The following PAX7 variants were observed in gnomAD, a reference collection of about 807,000 sequenced individuals.
PAX7 encodes the protein paired box protein Pax-7.
PAX7 carries 18 observed loss-of-function variants against 50.7 expected under a neutral mutation model. That is an observed-to-expected ratio of 0.36 (90% CI 0.25 to 0.53). The LOEUF is 0.53. Ranked by LOEUF, PAX7 falls within the 20% of genes least tolerant of loss-of-function variation. The pLI is 0.93. For missense variants in PAX7, 644 were observed against 702.9 expected (o/e 0.92, Z 0.95); for synonymous variants, 310 against 290.4 (o/e 1.07, Z -0.69).
chr1:18,653,178 GTTTTTTTCATTTT>G (rs965425887), intron 4 of PAX7, among the ~76,000 whole-genome samples: 24 of 138,732 alleles, frequency 1.7e-4, no homozygotes, highest in African/African-American at 5.0e-4. Context: ...GATTTGCTGG[GTTTTTTTCATTTT>G]TTTTTTTCAT....
chr1:18,715,141 C>G (rs547415130), intron 7 of PAX7, among the ~76,000 whole-genome samples: 6 of 152,238 alleles, frequency 3.9e-5, no homozygotes, highest in African/African-American at 1.4e-4. Context: ...AGCCTTTGTA[C>G]CTGCTGCTCC....
Position 18,746,596 on chromosome 1 carries a change from G to T in PAX7, c.*1667G>T. ...ACACAGCACTGAATTCACAAACATT[G>T]GACCAAACTGTTTGTCCCCATCTGG... On this transcript the variant is annotated 3_prime_UTR_variant, in exon 9 of 9. Coordinates refer to ENST00000420770, the MANE Select transcript of PAX7 (RefSeq NM_001135254.2). 1 of 231,292 alleles carries T rather than the reference G, an allele frequency of 4.3e-6. No homozygotes were observed. Among genetic ancestry groups the T allele is most frequent in the Non-Finnish European group, 8.6e-6 (1 of 116,860 alleles). The allele number at this position is 231,292 out of a possible 1,614,324, so 14.3% of individuals were successfully genotyped here.
intron 4 of PAX7, among the ~76,000 whole-genome samples, chr1:18,644,266 G>T (rs2088305103): frequency 6.6e-6 from 1 of 152,168 alleles, no homozygotes; most frequent in African/African-American, 2.4e-5. Flanking sequence ...TGCCAGGCTG[G>T]AGCAATCTGA....
intron 4 of PAX7, among the ~76,000 whole-genome samples, chr1:18,651,341 T>G (rs1044180721): frequency 2.0e-5 from 3 of 152,228 alleles, no homozygotes; most frequent in African/African-American, 7.2e-5. Flanking sequence ...GCATATATTT[T>G]TATAGGTTTT....
intron 7 of PAX7, among the ~76,000 whole-genome samples, chr1:18,733,834 G>A (rs1460768854): frequency 6.6e-6 from 1 of 152,174 alleles, no homozygotes; most frequent in Non-Finnish European, 1.5e-5. Flanking sequence ...GTGAGCCAGG[G>A]TCAGGCGAAC....
chr1:18,744,587 T>C (rs922057863), intron 8 of PAX7, among the ~76,000 whole-genome samples: 2 of 149,544 alleles, frequency 1.3e-5, no homozygotes, highest in African/African-American at 5.0e-5. Context: ...TATGGCTGGA[T>C]GGATGAGAAG....
chr1:18,687,709 A>C (rs2088997861), intron 4 of PAX7, among the ~76,000 whole-genome samples: 1 of 151,018 alleles, frequency 6.6e-6, no homozygotes, highest in Admixed American at 6.6e-5. Context: ...GCAGTGAGAC[A>C]GAGCTCTGCC....
rs1931516721 is a variant in PAX7 at position 18,747,977 on chromosome 1, C to T, written c.*3048C>T. On this transcript the variant is annotated 3_prime_UTR_variant, in exon 9 of 9. Transcript: ENST00000420770. ...TATTTTTTTCATTTGGTATTTCTCT[C>T]TTGCTATATAAAGAAAAAAAGAAGT... 1 of 200,472 alleles carries T rather than the reference C, an allele frequency of 5.0e-6. No homozygotes were observed. The allele number at this position is 200,472 out of a possible 1,614,324, so 12.4% of individuals were successfully genotyped here. A position where few individuals can be genotyped will look rare whatever the true frequency, so the allele number is the denominator to read the frequency against.
chr1:18,698,496 A>T (rs1020739302), intron 5 of PAX7, among the ~76,000 whole-genome samples: 3 of 152,198 alleles, frequency 2.0e-5, no homozygotes, highest in African/African-American at 7.2e-5. Flanking sequence ...AGTGGAATGG[A>T]ATAACTTTCC....
At chr1:18,653,888 A>G (rs1438421695) in intron 4 of PAX7, among the ~76,000 whole-genome samples, 3 of 152,020 alleles carry the variant, frequency 2.0e-5, no homozygotes, top group African/African-American at 7.2e-5. Flanking sequence ...AAAAGGTCTA[A>G]ACGCCAGCGT....
At chr1:18,640,191 G>T (rs934004350) in intron 4 of PAX7, among the ~76,000 whole-genome samples, 1 of 152,204 alleles carries the variant, frequency 6.6e-6, no homozygotes, top group Admixed American at 6.5e-5. Flanking sequence ...GGAAGGATCG[G>T]AAAGGAGGGG....
chr1:18,658,063 C>T (rs2088548399), intron 4 of PAX7, among the ~76,000 whole-genome samples: 1 of 152,204 alleles, frequency 6.6e-6, no homozygotes, highest in South Asian at 2.1e-4. Flanking sequence ...TTAAAAGGAA[C>T]TGCGAGCTGT....
intron 7 of PAX7, among the ~76,000 whole-genome samples, chr1:18,710,655 A>G (rs1424704029): frequency 6.6e-6 from 1 of 152,204 alleles, no homozygotes; most frequent in Non-Finnish European, 1.5e-5. Flanking sequence ...CTCATTAACA[A>G]GCAGAAAATA....
chr1:18,727,282 C>G (rs982272398), intron 7 of PAX7, among the ~76,000 whole-genome samples: 1 of 74,368 alleles, frequency 1.3e-5, no homozygotes, highest in African/African-American at 6.0e-5. Context: ...TCCATGTGCA[C>G]AAGTTGCATG....
intron 6 of PAX7, among the ~76,000 whole-genome samples, chr1:18,701,318 G>A (rs559339037): frequency 4.3e-4 from 66 of 152,230 alleles, no homozygotes; most frequent in African/African-American, 1.5e-3. Context: ...ATGTGCGTGT[G>A]AGTGCGTGCA....
chr1:18,656,187 T>G (rs2088516300), intron 4 of PAX7, among the ~76,000 whole-genome samples: 1 of 152,198 alleles, frequency 6.6e-6, no homozygotes, highest in Admixed American at 6.5e-5. Context: ...TTGCTGTGAT[T>G]GATGATCTAA....
In PAX7 at chr1:18,700,654, T is replaced by C; in HGVS notation, c.788T>C (p.Val263Ala). ...RTKLTEARVQ[V>A]WFSNRRARWR... ...CATTCTCTGCTCTCCACCTCCCAGG[T>C]CTGGTTCAGTAACCGCCGCGCCCGT... is the stretch of plus-strand genomic sequence containing the variant. The change falls in exon 6 of 9, where the codon GTC becomes GCC. Residue 263 changes from valine to alanine, a missense_variant and splice_region_variant. By Grantham distance (64) the Val-to-Ala change is moderately conservative. Transcript: ENST00000420770. The surrounding 1 kb of genome is among the most constrained non-coding windows in gnomAD (Gnocchi z 4.8). 1 of 1,548,946 alleles carries C rather than the reference T, an allele frequency of 6.5e-7. No individual in the cohort carries two copies. Among genetic ancestry groups the C allele is most frequent in the South Asian group, 1.2e-5 (1 of 81,814 alleles).
At chr1:18,674,069 T>C (rs2100246557) in intron 4 of PAX7, among the ~76,000 whole-genome samples, 1 of 152,362 alleles carries the variant, frequency 6.6e-6, no homozygotes, top group East Asian at 1.9e-4. Context: ...GCAAACTATT[T>C]GGAACATTGC....
intron 4 of PAX7, among the ~76,000 whole-genome samples, chr1:18,645,981 T>C (rs1481739055): frequency 6.6e-6 from 1 of 152,234 alleles, no homozygotes; most frequent in South Asian, 2.1e-4. Context: ...CCGCCTGGAC[T>C]TCTTGAGTTC....
Sources: allele counts gnomAD v4.1 joint callset (sites outside exome capture counted in the v4.1 genomes callset), GRCh38; gene constraint gnomAD v4.1.1; non-coding constraint Gnocchi (gnomAD v3.1); transcripts MANE v1.5; gene names NCBI Gene and HGNC (gene_info 2026-07-23, HGNC 2026-07-21).